CPLX2: variants seen among roughly 807,000 people sequenced by gnomAD.
CPLX2 encodes complexin-2.
Under a neutral mutation model 16.3 loss-of-function variants are expected in CPLX2, and 5 were observed. That is an observed-to-expected ratio of 0.31 (90% CI 0.16 to 0.64). The LOEUF is 0.64. CPLX2 is among the 30% of genes least tolerant of loss of function. The probability of loss-of-function intolerance (pLI) is 0.79; values close to 1 mark genes in which losing one functional copy is unlikely to be tolerated. For missense variants in CPLX2, 144 were observed against 181.4 expected (o/e 0.79, Z 1.18); for synonymous variants, 89 against 73.2 (o/e 1.22, Z -1.10).
At chr5:175,833,165 AAG>A (rs1366947220) in intron 2 of CPLX2, among the ~76,000 whole-genome samples, 1 of 152,090 alleles carries the variant, frequency 6.6e-6, no homozygotes, top group African/African-American at 2.4e-5. Context: ...TCAAAAAAAA[AAG>A]AGAAAAGAAA....
intron 2 of CPLX2, among the ~76,000 whole-genome samples, chr5:175,851,903 G>C (rs1029221448): frequency 1.3e-5 from 2 of 152,244 alleles, no homozygotes; most frequent in African/African-American, 4.8e-5. Context: ...GCCTGCCACA[G>C]CTTCTGCAGC....
chr5:175,806,766 G>A (rs1463822832), intron 1 of CPLX2, among the ~76,000 whole-genome samples: 2 of 151,882 alleles, frequency 1.3e-5, no homozygotes, highest in Non-Finnish European at 2.9e-5. Flanking sequence ...CCAAAGTGCT[G>A]GGATTACAGG....
intron 2 of CPLX2, among the ~76,000 whole-genome samples, chr5:175,831,414 C>A (rs560204202): frequency 6.6e-6 from 1 of 152,282 alleles, no homozygotes; most frequent in Admixed American, 6.5e-5. Context: ...TACTCAGTCA[C>A]CCCATTCAGG....
At chr5:175,825,458 G>T (rs527530395) in intron 2 of CPLX2, among the ~76,000 whole-genome samples, 1 of 151,928 alleles carries the variant, frequency 6.6e-6, no homozygotes, top group African/African-American at 2.4e-5. Context: ...GCATCCTCTC[G>T]CTCTATTCCC....
At chr5:175,822,546 G>A (rs1001120) in intron 2 of CPLX2, among the ~76,000 whole-genome samples, 16,685 of 152,274 alleles carry the variant, frequency 0.11, 1,159 homozygotes, top group East Asian at 0.28. Context: ...AAGATGGCCT[G>A]AAGGGAAAAG....
intron 2 of CPLX2, among the ~76,000 whole-genome samples, chr5:175,812,085 G>A (rs1022638275): frequency 2.0e-5 from 3 of 152,228 alleles, no homozygotes; most frequent in South Asian, 2.1e-4. Flanking sequence ...CCATGGAAGC[G>A]AGGGTTTGGG....
At chr5:175,825,368 G>A (rs953595887) in intron 2 of CPLX2, among the ~76,000 whole-genome samples, 7 of 151,144 alleles carry the variant, frequency 4.6e-5, no homozygotes, top group African/African-American at 7.3e-5. Context: ...CCAGCCTGGC[G>A]ACAGAGCGAG....
Position 175,830,464 on chromosome 5 carries a change from T to A in CPLX2, c.-89+21396T>A, listed in dbSNP as rs1758715016. On this transcript the variant is annotated intron_variant, in intron 2 of 4. Transcript: ENST00000359546. This position sits in a 1 kb window ranked among gnomAD's most constrained non-coding sequence, Gnocchi z 4.0. ...TGCGTGATGCCCCCACAGAGGAGAGTGAAGCGAGGCAGCCCTCCTTTAGGA... is the reference window on the plus strand; with the variant it reads ...TGCGTGATGCCCCCACAGAGGAGAGAGAAGCGAGGCAGCCCTCCTTTAGGA... 6.6e-6 allele frequency among the ~76,000 whole-genome samples: 1 copy of A among 151,830 alleles called. No homozygotes were observed. Among genetic ancestry groups the A allele is most frequent in the Non-Finnish European group, 1.5e-5 (1 of 67,950 alleles).
In CPLX2 at chr5:175,798,182, ACTGT is replaced by A. The variant is rs377247533; in HGVS notation, c.-169+1402_-169+1405del. Among the ~76,000 whole-genome samples, 720 of 152,338 alleles carry A rather than the reference ACTGT, an allele frequency of 4.7e-3. 5 individuals are homozygous for A. Among genetic ancestry groups the A allele is most frequent in the South Asian group, 0.025 (123 of 4,828 alleles). ...ACTAGCATATGACCTTGGGCAAGTGACTGTCTGAGACTATCTTCAGCTATTAAAG... is the reference window on the plus strand; with the variant it reads ...ACTAGCATATGACCTTGGGCAAGTGACTGAGACTATCTTCAGCTATTAAAG... On this transcript the variant is annotated intron_variant, in intron 1 of 4. Coordinates refer to the CPLX2 transcript ENST00000359546.
chr5:175,840,080 CT>C (rs1342628571), intron 2 of CPLX2, among the ~76,000 whole-genome samples: 8 of 152,158 alleles, frequency 5.3e-5, no homozygotes, highest in Non-Finnish European at 4.4e-5. Flanking sequence ...TTATCCATTT[CT>C]TTTTCGAACA....
At chr5:175,810,991 G>C (rs1758302100) in intron 2 of CPLX2, among the ~76,000 whole-genome samples, 1 of 152,220 alleles carries the variant, frequency 6.6e-6, no homozygotes, top group South Asian at 2.1e-4. Context: ...GGATGAGATG[G>C]AAAGAGCACG....
chr5:175,797,040 T>TGCAGCGGCGG (rs1176479864), intron 1 of CPLX2, among the ~76,000 whole-genome samples: 1 of 152,118 alleles, frequency 6.6e-6, no homozygotes, highest in Non-Finnish European at 1.5e-5. Flanking sequence ...GGGTCAGCAC[T>TGCAGCGGCGG]GCAGCGGCGG....
intron 2 of CPLX2, among the ~76,000 whole-genome samples, chr5:175,840,343 G>A (rs1329234732): frequency 6.6e-6 from 1 of 152,160 alleles, no homozygotes; most frequent in Non-Finnish European, 1.5e-5. Flanking sequence ...TAACAGATGT[G>A]ATAAAACAAG....
chr5:175,797,038 A>C lies in CPLX2; in HGVS notation c.-169+254A>C, dbSNP rs1481169248. Among the ~76,000 whole-genome samples, 3 of 152,114 alleles carry C rather than the reference A, an allele frequency of 2.0e-5. No individual in the cohort carries two copies. The East Asian group carries it at 5.8e-4, about 29-fold the overall frequency. Reference sequence around the variant, plus strand: ...CGCACCGGGTCCCTATCGGGTCAGCACTGCAGCGGCGGACAGCGGCGGCCG... The same window carrying C: ...CGCACCGGGTCCCTATCGGGTCAGCCCTGCAGCGGCGGACAGCGGCGGCCG... On this transcript the variant is annotated intron_variant, in intron 1 of 4. Transcript: ENST00000359546.
chr5:175,806,287 G>A (rs971469961), intron 1 of CPLX2, among the ~76,000 whole-genome samples: 1 of 151,740 alleles, frequency 6.6e-6, no homozygotes, highest in African/African-American at 2.4e-5. Flanking sequence ...TGCAGATGCT[G>A]TTCCTTCTGC....
At position 175,854,673 on chromosome 5, in the gene CPLX2, G is replaced by A. The variant is rs150944970; in HGVS notation, c.-88-23979G>A. Among the ~76,000 whole-genome samples, 383 of 152,282 alleles carry A rather than the reference G, an allele frequency of 2.5e-3. 3 individuals carry two copies. The highest frequency in any genetic ancestry group is 8.6e-3 in the African/African-American group (359 of 41,558). On this transcript the variant is annotated intron_variant, in intron 2 of 4. Transcript: ENST00000359546. ...CTGCCCCATCTTCAAAGAACTCACTGTTAAGAAGGAAAAGCCTAAATATGT... is the reference window on the plus strand; with the variant it reads ...CTGCCCCATCTTCAAAGAACTCACTATTAAGAAGGAAAAGCCTAAATATGT...
intron 2 of CPLX2, among the ~76,000 whole-genome samples, chr5:175,822,590 G>T (rs1758534107): frequency 6.6e-6 from 1 of 152,194 alleles, no homozygotes; most frequent in Non-Finnish European, 1.5e-5. Context: ...AGACACACAT[G>T]GCCCCAGGGC....
intron 1 of CPLX2, among the ~76,000 whole-genome samples, chr5:175,797,087 C>T (rs1757996775): frequency 6.6e-6 from 1 of 152,170 alleles, no homozygotes; most frequent in Non-Finnish European, 1.5e-5. Flanking sequence ...GCACCCTCCG[C>T]CCTGGTTCCG....
rs112182281 is a variant in CPLX2 at position 175,865,109 on chromosome 5, C to T, written c.-88-13543C>T. ...GCGCGCGCACACACACACACACACTCGTCTATTAATCTCCAGTAGCATTCC... is the reference window on the plus strand; with the variant it reads ...GCGCGCGCACACACACACACACACTTGTCTATTAATCTCCAGTAGCATTCC... On this transcript the variant is annotated intron_variant, in intron 2 of 4. Coordinates refer to the CPLX2 transcript ENST00000359546. Among the ~76,000 whole-genome samples, 307 of 151,970 alleles carry T rather than the reference C, an allele frequency of 2.0e-3. 1 individual carries two copies. Among genetic ancestry groups the T allele is most frequent in the African/African-American group, 6.9e-3 (285 of 41,424 alleles).
Sources: gnomAD v4.1 joint callset for allele counts (sites outside exome capture counted in the v4.1 genomes callset) on GRCh38, gnomAD v4.1.1 for gene constraint, Gnocchi (gnomAD v3.1) non-coding constraint, MANE v1.5 for transcripts, NCBI Gene and HGNC (gene_info 2026-07-23, HGNC 2026-07-21) for gene names.